The following GLIS1 variants were observed in gnomAD, a reference collection of about 807,000 sequenced individuals.
The protein encoded by GLIS1 is zinc finger protein GLIS1.
GLIS1 carries 24 observed loss-of-function variants against 63.8 expected under a neutral mutation model. The observed-to-expected ratio is 0.38, with a 90% CI of 0.27 to 0.53. The LOEUF (loss-of-function observed/expected upper bound fraction) is 0.53. GLIS1 is among the 20% of genes least tolerant of loss of function. GLIS1 has a pLI of 0.85. For synonymous variants in GLIS1, 450 were observed against 482.5 expected, an observed-to-expected ratio of 0.93 and a Z score of 0.88; for missense variants, 1,036 against 1,074.1, an observed-to-expected ratio of 0.96 and a Z score of 0.50.
chr1:53,618,127 C>A (rs574976964), intron 2 of GLIS1, among the ~76,000 whole-genome samples: 1 of 152,364 alleles, frequency 6.6e-6, no homozygotes, highest in Non-Finnish European at 1.5e-5. Context: ...GGGACCTCGG[C>A]AGGGACAGTC....
At chr1:53,522,756 A>T (rs1414024411) in intron 6 of GLIS1, among the ~76,000 whole-genome samples, 2 of 151,810 alleles carry the variant, frequency 1.3e-5, no homozygotes, top group African/African-American at 4.9e-5. Flanking sequence ...CAAAAAAAAT[A>T]TATTAAAAAA....
Position 53,736,990 on chromosome 1 carries a change from A to G in GLIS1, c.259+816T>C, listed in dbSNP as rs533072819. The stretch of plus-strand genomic sequence containing the variant: ...TTGGTTTCCCCTAAGGGAAAAAAAA[A>G]GGGGGGAGGACGAGGACACAGCATC... On this transcript the variant is annotated intron_variant, in intron 2 of 10. Coordinates refer to ENST00000628545, the MANE Select transcript of GLIS1 (RefSeq NM_001367484.1). Among the ~76,000 whole-genome samples the G allele has an allele frequency of 1.4e-3, 215 of 151,672 alleles. 1 individual carries two copies. Among genetic ancestry groups the G allele is most frequent in the African/African-American group, 4.6e-3 (191 of 41,434 alleles).
rs114178516 is a variant in GLIS1, at chr1:53,643,594, G to A, written c.260-43316C>T. On this transcript the variant is annotated intron_variant, in intron 2 of 10. Transcript: ENST00000628545. ...AGTAACCAAGGTCACAGCATAACAC[G>A]GCAACTATAGCTTCAAGCTGTGGCT... is the stretch of plus-strand genomic sequence containing the variant. Among the ~76,000 whole-genome samples, 407 of 152,258 alleles carry A rather than the reference G, an allele frequency of 2.7e-3. 1 individual carries two copies. The highest frequency in any genetic ancestry group is 4.6e-3 in the Non-Finnish European group (315 of 68,012).
intron 4 of GLIS1, among the ~76,000 whole-genome samples, chr1:53,535,458 T>C (rs1367790928): frequency 1.3e-5 from 2 of 152,062 alleles, no homozygotes; most frequent in Non-Finnish European, 2.9e-5. Context: ...CATATGGCCC[T>C]GAGTTGCTGG....
intron 4 of GLIS1, among the ~76,000 whole-genome samples, chr1:53,590,227 C>T (rs772755678): frequency 6.6e-6 from 1 of 152,164 alleles, no homozygotes; most frequent in Non-Finnish European, 1.5e-5. Flanking sequence ...ATTTTACAAT[C>T]GAGTATGCTG....
intron 4 of GLIS1, among the ~76,000 whole-genome samples, chr1:53,533,635 C>T (rs985012478): frequency 6.6e-6 from 1 of 152,228 alleles, no homozygotes; most frequent in Non-Finnish European, 1.5e-5. Context: ...CCCATCAGGA[C>T]TGGTCTGGGA....
At chr1:53,688,407 G>A (rs767436340) in intron 2 of GLIS1, among the ~76,000 whole-genome samples, 9 of 152,114 alleles carry the variant, frequency 5.9e-5, no homozygotes, top group Middle Eastern at 3.2e-3. Flanking sequence ...CAGTCCTGCC[G>A]AGCCAGGGAC....
At chr1:53,630,905 T>C (rs949466039) in intron 2 of GLIS1, among the ~76,000 whole-genome samples, 1 of 152,242 alleles carries the variant, frequency 6.6e-6, no homozygotes, top group Non-Finnish European at 1.5e-5. Flanking sequence ...TTGAGCTTTA[T>C]AGCTAGTGGG....
At chr1:53,630,714 C>G (rs897157578) in intron 2 of GLIS1, among the ~76,000 whole-genome samples, 5 of 152,184 alleles carry the variant, frequency 3.3e-5, no homozygotes, top group Non-Finnish European at 7.3e-5. Context: ...CCAGCCTGGT[C>G]TCGAACTCCA....
At chr1:53,725,723 C>T (rs1044905873) in intron 2 of GLIS1, among the ~76,000 whole-genome samples, 4 of 152,206 alleles carry the variant, frequency 2.6e-5, no homozygotes, top group African/African-American at 9.7e-5. Flanking sequence ...AACCACCAGC[C>T]AAACACAGGT....
intron 2 of GLIS1, among the ~76,000 whole-genome samples, chr1:53,622,330 A>T (rs1294315365): frequency 1.3e-5 from 2 of 150,010 alleles, no homozygotes; most frequent in Non-Finnish European, 3.0e-5. Context: ...CGGGAGACTG[A>T]GGAAGGAGAA....
chr1:53,546,705 C>CAT (rs1241281199), intron 4 of GLIS1, among the ~76,000 whole-genome samples: 1 of 152,222 alleles, frequency 6.6e-6, no homozygotes, highest in African/African-American at 2.4e-5. Context: ...CTGCTGCTAT[C>CAT]ATTCTCTTCT....
intron 2 of GLIS1, among the ~76,000 whole-genome samples, chr1:53,601,309 G>A (rs1645315471): frequency 6.6e-6 from 1 of 152,208 alleles, no homozygotes; most frequent in South Asian, 2.1e-4. Context: ...GCACGGTGCT[G>A]AAACCTAGTG....
chr1:53,544,879 G>A (rs566616448), intron 4 of GLIS1, among the ~76,000 whole-genome samples: 138 of 152,118 alleles, frequency 9.1e-4, no homozygotes, highest in Non-Finnish European at 1.7e-3. Context: ...GCTGGGCTGG[G>A]CTGCGTGGGA....
intron 2 of GLIS1, among the ~76,000 whole-genome samples, chr1:53,637,766 G>C (rs1645742267): frequency 6.6e-6 from 1 of 152,174 alleles, no homozygotes; most frequent in Non-Finnish European, 1.5e-5. Context: ...GTGGGGAAAT[G>C]TCACCATCCC....
intron 2 of GLIS1, among the ~76,000 whole-genome samples, chr1:53,647,652 T>A (rs968975522): frequency 2.6e-5 from 4 of 152,158 alleles, no homozygotes; most frequent in Non-Finnish European, 5.9e-5. Flanking sequence ...TATAGGAGAC[T>A]ATTTTCACAA....
intron 2 of GLIS1, among the ~76,000 whole-genome samples, chr1:53,665,170 G>T (rs778983532): frequency 1.3e-5 from 2 of 152,136 alleles, no homozygotes; most frequent in African/African-American, 4.8e-5. Flanking sequence ...GCAGGGAAAT[G>T]ACAAAAATGG....
At chr1:53,709,453 G>A (rs911970369) in intron 2 of GLIS1, among the ~76,000 whole-genome samples, 1 of 131,288 alleles carries the variant, frequency 7.6e-6, no homozygotes, top group African/African-American at 2.7e-5. Flanking sequence ...CTTGTTGATG[G>A]TGTGAAGGTG....
chr1:53,705,641 A>G (rs1220396250), intron 2 of GLIS1, among the ~76,000 whole-genome samples: 2 of 152,118 alleles, frequency 1.3e-5, no homozygotes, highest in East Asian at 1.9e-4. Context: ...AAAAAAGGTG[A>G]GTTTTCTGGC....
Sources: gnomAD v4.1 joint callset for allele counts (sites outside exome capture counted in the v4.1 genomes callset) on GRCh38, gnomAD v4.1.1 for gene constraint, MANE v1.5 for transcripts, NCBI Gene and HGNC (gene_info 2026-07-23, HGNC 2026-07-21) for gene names.